SAMD5: variants seen among roughly 807,000 people sequenced by gnomAD.
The protein encoded by SAMD5 is sterile alpha motif domain-containing protein 5.
Under a neutral mutation model 11.3 loss-of-function variants are expected in SAMD5, and 13 were observed. The ratio of observed to expected loss-of-function variants is 1.15; its 90% CI spans 0.75 to 1.83. SAMD5 has a LOEUF of 1.83. Among genes scored for constraint, SAMD5 ranks in the 40% most tolerant of loss-of-function variants. The probability of loss-of-function intolerance (pLI) is 0.00; values close to 1 mark genes in which losing one functional copy is unlikely to be tolerated. For synonymous variants in SAMD5, 129 were observed against 111.3 expected, an observed-to-expected ratio of 1.16 and a Z score of -1.00; for missense variants, 255 against 239.1, an observed-to-expected ratio of 1.07 and a Z score of -0.44.
chr6:147,640,900 A>C (rs1478980574), intron 1 of SAMD5, among the ~76,000 whole-genome samples: 1 of 152,210 alleles, frequency 6.6e-6, no homozygotes, highest in Admixed American at 6.5e-5. Context: ...CTTAGCAATT[A>C]AGTATTTTTT....
intron 1 of SAMD5, among the ~76,000 whole-genome samples, chr6:147,633,086 A>G (rs1018598538): frequency 6.6e-6 from 1 of 152,204 alleles, no homozygotes; most frequent in African/African-American, 2.4e-5. Flanking sequence ...ACAGAAATAC[A>G]GGCACTTTCA....
the SAMD5 span, among the ~76,000 whole-genome samples, chr6:147,877,070 T>C: frequency 7.1e-6 from 1 of 140,316 alleles, no homozygotes; most frequent in Non-Finnish European, 1.6e-5. Flanking sequence ...CAACAAACCC[T>C]AGGTTTTTAT....
intron 1 of SAMD5, among the ~76,000 whole-genome samples, chr6:147,624,247 A>G (rs2128450574): frequency 6.6e-6 from 1 of 152,256 alleles, no homozygotes; most frequent in South Asian, 2.1e-4. Context: ...TTAACAGTGG[A>G]GTGTGCTCAG....
intron 1 of SAMD5, among the ~76,000 whole-genome samples, chr6:147,600,929 T>A (rs139129954): frequency 3.9e-5 from 6 of 152,154 alleles, no homozygotes; most frequent in Non-Finnish European, 7.4e-5. Flanking sequence ...CACCAGGCAA[T>A]ATGGAGTGAA....
chr6:147,897,300 G>A, the SAMD5 span, among the ~76,000 whole-genome samples: 1 of 152,180 alleles, frequency 6.6e-6, no homozygotes, highest in East Asian at 1.9e-4. Context: ...CTGTGCGTGT[G>A]TTGAAATGCA....
At chr6:147,594,357 A>G (rs1439412398) in intron 1 of SAMD5, among the ~76,000 whole-genome samples, 1 of 152,142 alleles carries the variant, frequency 6.6e-6, no homozygotes, top group African/African-American at 2.4e-5. Context: ...TTTTGTTAAC[A>G]GCTGTTGTAA....
chr6:147,909,602 T>TTC, the SAMD5 span, among the ~76,000 whole-genome samples: 12 of 57,490 alleles, frequency 2.1e-4, 2 homozygotes, highest in African/African-American at 1.1e-3. Flanking sequence ...CTTTCTTTCT[T>TTC]TCTTTCTTTC....
downstream of SAMD5, among the ~76,000 whole-genome samples, chr6:147,573,988 C>T (rs1455874400): frequency 2.0e-5 from 3 of 151,848 alleles, no homozygotes; most frequent in African/African-American, 4.8e-5. Flanking sequence ...ATTAGCCGGG[C>T]GTGGTGGCAG....
chr6:147,885,746 A>G, the SAMD5 span, among the ~76,000 whole-genome samples: 1 of 152,206 alleles, frequency 6.6e-6, no homozygotes, highest in Admixed American at 6.5e-5. Flanking sequence ...AAGCTCATGA[A>G]CAATGAACAT....
intron 1 of SAMD5, among the ~76,000 whole-genome samples, chr6:147,713,150 G>A (rs9485217): frequency 0.13 from 19,558 of 152,164 alleles, 2,699 homozygotes; most frequent in African/African-American, 0.35. Context: ...TGTTGACTGC[G>A]TTTTGCAAAC....
At chr6:147,590,172 G>T (rs1426113088) in intron 1 of SAMD5, among the ~76,000 whole-genome samples, 1 of 152,192 alleles carries the variant, frequency 6.6e-6, no homozygotes, top group Non-Finnish European at 1.5e-5. Context: ...TTTATTTGAA[G>T]TGAGAGCCAG....
chr6:147,862,111 G>A, the SAMD5 span, among the ~76,000 whole-genome samples: 2 of 151,834 alleles, frequency 1.3e-5, no homozygotes, highest in Admixed American at 6.6e-5. Context: ...GCCACCATAC[G>A]CGATTGACAA....
intron 1 of SAMD5, among the ~76,000 whole-genome samples, chr6:147,515,431 A>G (rs201920725): frequency 6.7e-6 from 1 of 148,644 alleles, no homozygotes; most frequent in Non-Finnish European, 1.5e-5. Flanking sequence ...CTTCCATCCA[A>G]CCATCCATCC....
the SAMD5 span, among the ~76,000 whole-genome samples, chr6:147,899,091 A>T: frequency 2.1e-5 from 3 of 145,590 alleles, no homozygotes; most frequent in African/African-American, 7.8e-5. Flanking sequence ...GAATGGCGTG[A>T]ATCTGGGAGG....
At chr6:147,790,732 ATCTC>A in the SAMD5 span, among the ~76,000 whole-genome samples, 41 of 85,186 alleles carry the variant, frequency 4.8e-4, no homozygotes, top group African/African-American at 7.9e-4. Flanking sequence ...GAATTGGTCG[ATCTC>A]TCTCTCTCTC....
At chr6:147,638,285 C>T (rs1186913250) in intron 1 of SAMD5, among the ~76,000 whole-genome samples, 2 of 152,182 alleles carry the variant, frequency 1.3e-5, no homozygotes, top group Non-Finnish European at 1.5e-5. Flanking sequence ...CAGTTAGGAG[C>T]ATTAGCATTA....
At chr6:147,736,111 C>T (rs2128460398) in intron 1 of SAMD5, among the ~76,000 whole-genome samples, 1 of 152,180 alleles carries the variant, frequency 6.6e-6, no homozygotes, top group South Asian at 2.1e-4. Flanking sequence ...GGCTGTGCCA[C>T]CTGCTAGCAG....
chr6:147,534,673 G>A (rs1422105236), intron 1 of SAMD5, among the ~76,000 whole-genome samples: 1 of 152,112 alleles, frequency 6.6e-6, no homozygotes, highest in Non-Finnish European at 1.5e-5. Context: ...CTGGGTGGGG[G>A]CCGCAAGATC....
chr6:147,914,950 T>C, the SAMD5 span, among the ~76,000 whole-genome samples: 1 of 152,288 alleles, frequency 6.6e-6, no homozygotes, highest in African/African-American at 2.4e-5. Context: ...GAAATTTACA[T>C]ATCATAAAAG....
Sources: gnomAD v4.1 joint callset for allele counts (sites outside exome capture counted in the v4.1 genomes callset) on GRCh38, gnomAD v4.1.1 for gene constraint, MANE v1.5 for transcripts, NCBI Gene and HGNC (gene_info 2026-07-23, HGNC 2026-07-21) for gene names.